The following GPRASP3 variants were observed in gnomAD, a reference collection of about 807,000 sequenced individuals.
The protein encoded by GPRASP3 is G protein-coupled receptor associated sorting protein 3.
chrX:102,723,187 C>T, the GPRASP3 span, among the ~76,000 whole-genome samples: 2 of 111,757 alleles, frequency 1.8e-5, no homozygotes, highest in Admixed American at 1.9e-4. Flanking sequence ...AGATCAAATG[C>T]TGATTTCTTC....
At chrX:102,734,563 G>T in the GPRASP3 span, among the ~76,000 whole-genome samples, 1 of 111,761 alleles carries the variant, frequency 8.9e-6, no homozygotes, top group Non-Finnish European at 1.9e-5. Context: ...GTTGCAGTGA[G>T]CCGAGATTGG....
chrX:102,722,162 A>G, the GPRASP3 span, among the ~76,000 whole-genome samples: 5 of 111,813 alleles, frequency 4.5e-5, no homozygotes, highest in Admixed American at 2.8e-4. Context: ...GTCACAAGTA[A>G]TGGATCTCCA....
At chrX:102,724,753 G>T in the GPRASP3 span, among the ~76,000 whole-genome samples, 1 of 108,982 alleles carries the variant, frequency 9.2e-6, no homozygotes, top group African/African-American at 3.3e-5. Context: ...GTGTGTGTGT[G>T]TATCCAAGCA....
At chrX:102,749,410 A>C in the GPRASP3 span, 2 of 1,211,913 alleles carry the variant, frequency 1.7e-6, no homozygotes, top group Non-Finnish European at 2.2e-6. Context: ...TAAGAATGAT[A>C]AACCTGAAAT....
At chrX:102,750,234 G>A in the GPRASP3 span, 47 of 1,198,148 alleles carry the variant, frequency 3.9e-5, no homozygotes, top group East Asian at 1.3e-3. Context: ...AAGAAACCAT[G>A]TCATTTCCTT....
At chrX:102,742,084 G>A in the GPRASP3 span, among the ~76,000 whole-genome samples, 3 of 112,110 alleles carry the variant, frequency 2.7e-5, no homozygotes, top group African/African-American at 6.5e-5. Context: ...ATGAAGGCAT[G>A]CTTGCTATTG....
chrX:102,738,037 G>T, the GPRASP3 span, among the ~76,000 whole-genome samples: 1 of 111,711 alleles, frequency 9.0e-6, no homozygotes, highest in Non-Finnish European at 1.9e-5. Flanking sequence ...GGTTATAAAA[G>T]ACATAAGAGG....
At chrX:102,732,041 C>T in the GPRASP3 span, among the ~76,000 whole-genome samples, 3 of 112,064 alleles carry the variant, frequency 2.7e-5, no homozygotes, top group African/African-American at 9.7e-5. Flanking sequence ...CAGCTGCCAA[C>T]TATCACTTTT....
At chrX:102,744,131 A>G in the GPRASP3 span, among the ~76,000 whole-genome samples, 1 of 111,943 alleles carries the variant, frequency 8.9e-6, no homozygotes, top group Non-Finnish European at 1.9e-5. Context: ...TTATAAGCCC[A>G]GGAATAATTA....
chrX:102,751,698 C>G, the GPRASP3 span: 1 of 123,259 alleles, frequency 8.1e-6, no homozygotes, highest in South Asian at 3.7e-4. Context: ...CTACATCTGG[C>G]TGGAGGTCAG....
chrX:102,742,525 G>C, the GPRASP3 span, among the ~76,000 whole-genome samples: 13 of 112,427 alleles, frequency 1.2e-4, no homozygotes, highest in Non-Finnish European at 2.3e-4. Context: ...TGCAGACCCT[G>C]CCTTCCTTGT....
At chrX:102,729,063 A>G in the GPRASP3 span, among the ~76,000 whole-genome samples, 6 of 112,113 alleles carry the variant, frequency 5.4e-5, no homozygotes, top group African/African-American at 1.9e-4. Context: ...ATAATATGAG[A>G]GTGAGAAACC....
At chrX:102,735,512 C>A in the GPRASP3 span, among the ~76,000 whole-genome samples, 2 of 107,311 alleles carry the variant, frequency 1.9e-5, no homozygotes, top group East Asian at 5.9e-4. Context: ...TCAAGCAATT[C>A]TCTGCCTCAG....
At chrX:102,750,653 T>C in the GPRASP3 span, 4 of 1,140,825 alleles carry the variant, frequency 3.5e-6, no homozygotes, top group East Asian at 9.0e-5. Context: ...GAGCCAGAGA[T>C]AGAACATTTT....
the GPRASP3 span, chrX:102,749,318 A>G: frequency 8.3e-7 from 1 of 1,211,974 alleles, no homozygotes; most frequent in Non-Finnish European, 1.1e-6. Context: ...GCTGGTACTG[A>G]TGCCTGGTTC....
the GPRASP3 span, among the ~76,000 whole-genome samples, chrX:102,739,592 G>A: frequency 8.9e-6 from 1 of 111,808 alleles, no homozygotes; most frequent in African/African-American, 3.3e-5. Context: ...CTCCCAAAGT[G>A]GTGGTGGCTT....
chrX:102,736,042 A>C, the GPRASP3 span, among the ~76,000 whole-genome samples: 35 of 112,060 alleles, frequency 3.1e-4, no homozygotes, highest in African/African-American at 1.1e-3. Context: ...TCTTTCCAGC[A>C]TAGCTAGGGA....
At chrX:102,725,936 G>A in the GPRASP3 span, among the ~76,000 whole-genome samples, 3 of 111,893 alleles carry the variant, frequency 2.7e-5, no homozygotes, top group East Asian at 8.4e-4. Context: ...TTGAGGGACA[G>A]GAAGCATAGA....
chrX:102,733,883 G>T, the GPRASP3 span, among the ~76,000 whole-genome samples: 1 of 110,347 alleles, frequency 9.1e-6, no homozygotes, highest in Admixed American at 9.7e-5. Context: ...AGTCCGAAAA[G>T]AGAGTCAGCG....
Sources: gnomAD v4.1 joint callset for allele counts (sites outside exome capture counted in the v4.1 genomes callset) on GRCh38, gnomAD v4.1.1 for gene constraint, MANE v1.5 for transcripts, NCBI Gene and HGNC (gene_info 2026-07-23, HGNC 2026-07-21) for gene names.